BCAS3: variants seen among roughly 807,000 people sequenced by gnomAD.
The protein encoded by BCAS3 is BCAS4/BCAS3 fusion.
A neutral mutation model predicts 116.1 loss-of-function variants in BCAS3; 53 were observed. The ratio of observed to expected loss-of-function variants is 0.46; its 90% CI spans 0.37 to 0.57. The LOEUF is 0.57. BCAS3 is among the 20% of genes least tolerant of loss of function. The pLI, the probability that BCAS3 is intolerant of heterozygous loss-of-function variation, is 0.00. For missense variants in BCAS3, 917 were observed against 1,165.4 expected, an observed-to-expected ratio of 0.79 and a Z score of 3.10; for synonymous variants, 391 against 408.2, an observed-to-expected ratio of 0.96 and a Z score of 0.51.
Position 61,038,068 on chromosome 17 carries a change from T to C in BCAS3, c.1928+14T>C. On this transcript the variant is annotated intron_variant, in intron 18 of 23. Transcript: ENST00000407086. ...GACTCTGGTTAGGTAGTACCTCTTT[T>C]CTTTTTTTCTTTTTAACAGCTTCAT... is the stretch of plus-strand genomic sequence containing the variant. 2.5e-6 allele frequency: 4 copies of C among 1,602,032 alleles called. No homozygotes were observed. The highest frequency in any genetic ancestry group is 2.6e-6 in the Non-Finnish European group (3 of 1,174,906).
intron 14 of BCAS3, among the ~76,000 whole-genome samples, chr17:60,981,395 G>T (rs982811853): frequency 6.6e-6 from 1 of 151,550 alleles, no homozygotes; most frequent in African/African-American, 2.4e-5. Flanking sequence ...CAATTCTCCT[G>T]CCTCAGCCTC....
chr17:61,182,549 G>GAATT (rs1448531372), intron 22 of BCAS3, among the ~76,000 whole-genome samples: 2 of 151,996 alleles, frequency 1.3e-5, no homozygotes, highest in African/African-American at 4.8e-5. Flanking sequence ...ATTCATCCAT[G>GAATT]GTAAGTATAC....
chr17:60,976,917 A>G (rs2062423017), intron 14 of BCAS3, among the ~76,000 whole-genome samples: 1 of 152,122 alleles, frequency 6.6e-6, no homozygotes, highest in South Asian at 2.1e-4. Flanking sequence ...CAAAACCGCC[A>G]TCGTCATCAT....
At chr17:61,053,076 T>C (rs1362570966) in intron 19 of BCAS3, among the ~76,000 whole-genome samples, 1 of 152,152 alleles carries the variant, frequency 6.6e-6, no homozygotes, top group Non-Finnish European at 1.5e-5. Flanking sequence ...TTAAAAAATA[T>C]GATTGCTTTA....
In BCAS3 at chr17:61,386,910, C is replaced by CT. The variant is rs375391270; in HGVS notation, c.2594-5066dup. Among the ~76,000 whole-genome samples, 480 of 151,480 alleles carry CT rather than the reference C, an allele frequency of 3.2e-3. 5 individuals are homozygous for CT. The highest frequency in any genetic ancestry group is 0.011 in the African/African-American group (465 of 41,322). On this transcript the variant is annotated intron_variant, in intron 23 of 23. Transcript: ENST00000407086. ...CTTCCTGCCTCAGCCTCCTGAGTAG[C>CT]TGGGATTACAGGCACGTGCTACCAC...
intron 22 of BCAS3, among the ~76,000 whole-genome samples, chr17:61,094,071 G>A (rs1165962154): frequency 6.6e-6 from 1 of 152,212 alleles, no homozygotes; most frequent in African/African-American, 2.4e-5. Flanking sequence ...AGAAGCAATT[G>A]TGGGTAAAAC....
intron 6 of BCAS3, among the ~76,000 whole-genome samples, chr17:60,759,862 T>G (rs2043348610): frequency 1.3e-5 from 2 of 152,102 alleles, no homozygotes; most frequent in African/African-American, 4.8e-5. Context: ...GATGAGGGTT[T>G]CTCTGTGTTG....
chr17:60,947,426 A>G (rs2060567299), intron 14 of BCAS3, 74 bp downstream of exon 14: 1 of 1,414,284 alleles, frequency 7.1e-7, no homozygotes, highest in South Asian at 1.4e-5. Context: ...CATTTATATT[A>G]CATTGCAGCT....
chr17:61,089,005 G>A lies in BCAS3; in HGVS notation c.2425+4441G>A, dbSNP rs186452077. On this transcript the variant is annotated intron_variant, in intron 22 of 23. Coordinates refer to ENST00000407086, the MANE Select transcript of BCAS3 (RefSeq NM_017679.5). ...GAAAAATGACTTCTTATCCTGAGCA[G>A]CCTTGGATCATAAGGTATTAGTGTT... 1.3e-5 allele frequency among the ~76,000 whole-genome samples: 2 copies of A among 152,290 alleles called. 1 individual carries two copies. Among genetic ancestry groups the A allele is most frequent in the Admixed American group, 1.3e-4 (2 of 15,282 alleles).
At chr17:60,903,937 C>T (rs999238832) in intron 11 of BCAS3, among the ~76,000 whole-genome samples, 2 of 152,064 alleles carry the variant, frequency 1.3e-5, no homozygotes, top group South Asian at 2.1e-4. Context: ...ACATGGGTCA[C>T]GATAGTTTAG....
Position 61,140,495 on chromosome 17 carries a change from T to G in BCAS3, c.2425+55931T>G, listed in dbSNP as rs139648103. The stretch of plus-strand genomic sequence containing the variant: ...AAACATTAAAGAAAAGTAACCCTGT[T>G]AAGTGGTTATCACAATCAAACATTT... On this transcript the variant is annotated intron_variant, in intron 22 of 23. Coordinates refer to ENST00000407086, the MANE Select transcript of BCAS3 (RefSeq NM_017679.5). The surrounding 1 kb of genome is among the most constrained non-coding windows in gnomAD (Gnocchi z 4.2). Among the ~76,000 whole-genome samples, 287 of 152,258 alleles carry G rather than the reference T, an allele frequency of 1.9e-3. 1 individual carries two copies. The highest frequency in any genetic ancestry group is 6.7e-3 in the African/African-American group (277 of 41,550).
chr17:61,161,759 T>G lies in BCAS3; in HGVS notation c.2425+77195T>G, dbSNP rs2078181133. 6.6e-6 allele frequency among the ~76,000 whole-genome samples: 1 copy of G among 152,170 alleles called. No homozygotes were observed. On this transcript the variant is annotated intron_variant, in intron 22 of 23. Coordinates refer to ENST00000407086, the MANE Select transcript of BCAS3 (RefSeq NM_017679.5). This position sits in a 1 kb window ranked among gnomAD's most constrained non-coding sequence, Gnocchi z 4.8. ...AGCCCCCGCAATTCCAGTTTCATGG[T>G]GCCTGAGTTGCTGTCTGGTTGGTTG...
At chr17:61,153,156 G>A (rs887220340) in intron 22 of BCAS3, among the ~76,000 whole-genome samples, 1 of 152,150 alleles carries the variant, frequency 6.6e-6, no homozygotes. Flanking sequence ...CACTTTAGAA[G>A]TCTCTTCTGG....
rs760497631 is a variant in BCAS3 at position 61,088,142 on chromosome 17, A to G, written c.2425+3578A>G. ...GGTTGCAGTGAGCTGAGATTGCACCAGTGCACTCTAGCCTGGGTGACCGAG... is the reference window on the plus strand; with the variant it reads ...GGTTGCAGTGAGCTGAGATTGCACCGGTGCACTCTAGCCTGGGTGACCGAG... On this transcript the variant is annotated intron_variant, in intron 22 of 23. Transcript: ENST00000407086. This position sits in a 1 kb window ranked among gnomAD's most constrained non-coding sequence, Gnocchi z 4.2. 6.6e-6 allele frequency among the ~76,000 whole-genome samples: 1 copy of G among 152,232 alleles called. No homozygotes were observed. The highest frequency in any genetic ancestry group is 2.4e-5 in the African/African-American group (1 of 41,466).
intron 16 of BCAS3, among the ~76,000 whole-genome samples, chr17:61,022,350 C>A (rs2065933844): frequency 2.6e-5 from 4 of 152,092 alleles, no homozygotes; most frequent in Admixed American, 2.6e-4. Flanking sequence ...CCTGGGTTCA[C>A]ACCATTCTCC....
chr17:61,067,295 ATATATATATATATATATATATT>A (rs2070762771), intron 19 of BCAS3, among the ~76,000 whole-genome samples: 2 of 127,616 alleles, frequency 1.6e-5, no homozygotes, highest in Admixed American at 1.5e-4. Context: ...ATATATATAT[ATATATATATATATATATATATT>A]TATACAGACT....
rs559242796 is a variant in BCAS3 at position 61,106,637 on chromosome 17, C to T, written c.2425+22073C>T. Among the ~76,000 whole-genome samples, 30 of 152,268 alleles carry T rather than the reference C, an allele frequency of 2.0e-4. No homozygotes were observed. The highest frequency in any genetic ancestry group is 4.3e-4 in the African/African-American group (18 of 41,558). On this transcript the variant is annotated intron_variant, in intron 22 of 23. Coordinates refer to ENST00000407086, the MANE Select transcript of BCAS3 (RefSeq NM_017679.5). The surrounding 1 kb of genome is among the most constrained non-coding windows in gnomAD (Gnocchi z 4.2). ...CAGGCATCCACTGGGGGTCTTGGAA[C>T]GTATCCCCATAGATAAGGAGCGGGG...
At chr17:60,939,659 G>T (rs1479272220) in intron 13 of BCAS3, among the ~76,000 whole-genome samples, 3 of 152,142 alleles carry the variant, frequency 2.0e-5, no homozygotes, top group Non-Finnish European at 2.9e-5. Flanking sequence ...CTTGGGGCCA[G>T]GTGGTTGGGG....
chr17:60,771,784 T>G (rs909907946), intron 6 of BCAS3, among the ~76,000 whole-genome samples: 6 of 151,460 alleles, frequency 4.0e-5, no homozygotes, highest in Non-Finnish European at 7.3e-5. Flanking sequence ...TTCCCAACTA[T>G]GAGTGAGAAC....
Sources: gnomAD v4.1 joint callset for allele counts (sites outside exome capture counted in the v4.1 genomes callset) on GRCh38, gnomAD v4.1.1 for gene constraint, Gnocchi (gnomAD v3.1) non-coding constraint, MANE v1.5 for transcripts, NCBI Gene and HGNC (gene_info 2026-07-23, HGNC 2026-07-21) for gene names.